RYR3: variants seen among roughly 807,000 people sequenced by gnomAD.
RYR3 encodes ryanodine receptor 3, also known as brain ryanodine receptor-calcium release channel.
Under a neutral mutation model 584.3 loss-of-function variants are expected in RYR3, and 207 were observed. The observed-to-expected ratio is 0.35, with a 90% CI of 0.32 to 0.40. The LOEUF (loss-of-function observed/expected upper bound fraction) is 0.40. RYR3 is among the 10% of genes least tolerant of loss of function. The pLI is 1.00. For missense variants in RYR3, 5,616 were observed against 6,089.2 expected (o/e 0.92, Z 2.59); for synonymous variants, 2,416 against 2,248.5 (o/e 1.07, Z -2.11).
At position 33,765,030 on chromosome 15, in the gene RYR3, C is replaced by CAA. The variant is rs1183335863; in HGVS notation, c.8706-3609_8706-3608dup. 6.5e-3 allele frequency among the ~76,000 whole-genome samples: 556 copies of CAA among 85,514 alleles called. 32 individuals carry two copies. The highest frequency in any genetic ancestry group is 0.031 in the East Asian group (88 of 2,846). 56.1% of individuals were successfully genotyped at this position (85,514 alleles called of 152,430 possible). ...TGGGCAACAGAGCAAGACTTCGTCT[C>CAA]AAAAAAAAAAAAAAAAAAAAGACAT... On this transcript the variant is annotated intron_variant, in intron 60 of 103. Transcript: ENST00000634891.
intron 86 of RYR3, 73 bp downstream of exon 86, chr15:33,831,164 A>C: frequency 1.4e-6 from 2 of 1,438,144 alleles, no homozygotes; most frequent in Non-Finnish European, 1.9e-6. Context: ...TATTCCCTAC[A>C]GAATACTTGA....
chr15:33,801,485 G>C (rs953633009), intron 68 of RYR3, among the ~76,000 whole-genome samples: 16 of 152,130 alleles, frequency 1.1e-4, no homozygotes, highest in African/African-American at 3.9e-4. Context: ...GCTTTGCAGG[G>C]CCCTTTCAAA....
intron 67 of RYR3, among the ~76,000 whole-genome samples, chr15:33,798,071 T>TTGTC (rs1192540803): frequency 8.1e-6 from 1 of 123,220 alleles, no homozygotes; most frequent in Non-Finnish European, 1.7e-5. Context: ...CCTCATGCCT[T>TTGTC]TGTCTGTCTG....
At chr15:33,716,873 A>AC (rs1183116057) in intron 43 of RYR3, among the ~76,000 whole-genome samples, 4 of 10,292 alleles carry the variant, frequency 3.9e-4, no homozygotes, top group Admixed American at 2.8e-3. Flanking sequence ...GCTGAATGAA[A>AC]CAAAAAAAAA....
chr15:33,568,334 A>G (rs1436648262), intron 12 of RYR3, among the ~76,000 whole-genome samples: 2 of 152,232 alleles, frequency 1.3e-5, no homozygotes, highest in African/African-American at 4.8e-5. Flanking sequence ...GTATTTCAAT[A>G]AAGTTGTTAT....
intron 9 of RYR3, among the ~76,000 whole-genome samples, chr15:33,549,359 T>C (rs916788950): frequency 3.9e-5 from 6 of 152,272 alleles, no homozygotes; most frequent in Non-Finnish European, 7.3e-5. Flanking sequence ...TTTGGATTTA[T>C]TGATGCTTCA....
At chr15:33,608,428 G>T (rs1466572993) in intron 18 of RYR3, among the ~76,000 whole-genome samples, 3 of 152,232 alleles carry the variant, frequency 2.0e-5, no homozygotes, top group Non-Finnish European at 4.4e-5. Context: ...CATGTGAGGA[G>T]ATTTATAACA....
At chr15:33,830,930 G>T (rs1489928648) in intron 85 of RYR3, 33 bp from the exon 86 acceptor site, 29 of 1,606,020 alleles carry the variant, frequency 1.8e-5, no homozygotes, top group Non-Finnish European at 2.5e-5. Flanking sequence ...ACTGAAGTCT[G>T]AGAAATACTA....
intron 2 of RYR3, among the ~76,000 whole-genome samples, chr15:33,487,523 A>G (rs531408274): frequency 6.6e-6 from 1 of 152,304 alleles, no homozygotes; most frequent in South Asian, 2.1e-4. Context: ...CTTAGCTACC[A>G]GAGTGCCTGT....
At chr15:33,446,241 T>C (rs764019839) in intron 1 of RYR3, among the ~76,000 whole-genome samples, 1 of 152,198 alleles carries the variant, frequency 6.6e-6, no homozygotes, top group Non-Finnish European at 1.5e-5. Flanking sequence ...GGCAAGAGAT[T>C]GAGATTTTCT....
At chr15:33,539,998 C>T (rs934103465) in intron 6 of RYR3, among the ~76,000 whole-genome samples, 1 of 151,886 alleles carries the variant, frequency 6.6e-6, no homozygotes, top group African/African-American at 2.4e-5. Flanking sequence ...CAGTTCAAAC[C>T]CGTGTTGTTC....
At chr15:33,729,091 C>T (rs1465255468) in intron 47 of RYR3, 65 bp downstream of exon 47, 3 of 1,372,736 alleles carry the variant, frequency 2.2e-6, no homozygotes, top group East Asian at 2.4e-5. Context: ...TGTTGGACTT[C>T]GAAGCAAATA....
At chr15:33,315,062 C>A (rs1356568467) in intron 1 of RYR3, among the ~76,000 whole-genome samples, 6 of 152,124 alleles carry the variant, frequency 3.9e-5, no homozygotes, top group African/African-American at 1.4e-4. Context: ...AGAAAGTTGT[C>A]CTCCTTCATC....
At chr15:33,798,191 C>T (rs1035538521) in intron 67 of RYR3, among the ~76,000 whole-genome samples, 3 of 152,078 alleles carry the variant, frequency 2.0e-5, no homozygotes, top group African/African-American at 4.8e-5. Flanking sequence ...CAGGCTCAAG[C>T]GGTTCTCCTG....
chr15:33,829,220 G>A (rs187067730), intron 85 of RYR3, among the ~76,000 whole-genome samples: 1 of 152,168 alleles, frequency 6.6e-6, no homozygotes, highest in Admixed American at 6.5e-5. Context: ...TATGCACCTG[G>A]TTCCAAGAGC....
intron 43 of RYR3, among the ~76,000 whole-genome samples, chr15:33,717,652 C>A (rs1359287211): frequency 6.6e-6 from 1 of 152,172 alleles, no homozygotes; most frequent in Non-Finnish European, 1.5e-5. Context: ...TACATAATAA[C>A]TTCATAATCT....
chr15:33,630,433 A>G (rs1451710227), intron 22 of RYR3, among the ~76,000 whole-genome samples: 3 of 152,228 alleles, frequency 2.0e-5, no homozygotes, highest in Non-Finnish European at 4.4e-5. Flanking sequence ...GATGCTACCC[A>G]TGGGCCTAAT....
chr15:33,748,760 C>G (rs2070994652), intron 55 of RYR3, among the ~76,000 whole-genome samples: 1 of 152,146 alleles, frequency 6.6e-6, no homozygotes, highest in Non-Finnish European at 1.5e-5. Flanking sequence ...TGGATGCTGA[C>G]TCAGTAGGAA....
intron 81 of RYR3, among the ~76,000 whole-genome samples, chr15:33,825,298 AC>A (rs1182230412): frequency 2.0e-5 from 3 of 152,298 alleles, no homozygotes; most frequent in African/African-American, 7.2e-5. Context: ...CTAAACCTTC[AC>A]ATCAAAGTGA....
Sources: gnomAD v4.1 joint callset for allele counts (sites outside exome capture counted in the v4.1 genomes callset) on GRCh38, gnomAD v4.1.1 for gene constraint, MANE v1.5 for transcripts, NCBI Gene and HGNC (gene_info 2026-07-23, HGNC 2026-07-21) for gene names.